CENPP: variants seen among roughly 807,000 people sequenced by gnomAD.
The protein encoded by CENPP is centromere protein P.
CENPP carries 24 observed loss-of-function variants against 35.6 expected under a neutral mutation model. The ratio of observed to expected loss-of-function variants is 0.67; its 90% confidence interval spans 0.49 to 0.95. The LOEUF (loss-of-function observed/expected upper bound fraction) is 0.95, where lower values mean the gene tolerates loss of function less well. CENPP is among the 40% of genes least tolerant of loss of function. CENPP has a pLI of 0.00. For synonymous variants in CENPP, 120 were observed against 125.5 expected (o/e 0.96, Z 0.29); for missense variants, 332 against 345.3 (o/e 0.96, Z 0.31).
intron 5 of CENPP, chr9:92,496,072 A>G: frequency 8.9e-7 from 1 of 1,126,024 alleles, no homozygotes; most frequent in Non-Finnish European, 1.1e-6. Context: ...ATCCTATTCT[A>G]GTGAGATGGC....
rs1251007087 is a variant in CENPP at position 92,421,283 on chromosome 9, GC to G, written c.564+41430del. Among the ~76,000 whole-genome samples the G allele has an allele frequency of 3.3e-5, 5 of 152,214 alleles. 1 individual carries two copies. The South Asian group carries it at 8.3e-4, about 25-fold the overall frequency. ...ATGAACTTCTGGGCTCAACCAGTCT[GC>G]CCCCCTCAGCCTCCCAAAGTGCTGG... is the stretch of plus-strand genomic sequence containing the variant. On this transcript the variant is annotated intron_variant, in intron 5 of 7. Transcript: ENST00000375587.
chr9:92,415,507 G>C, intron 5 of CENPP: 3 of 1,289,810 alleles, frequency 2.3e-6, no homozygotes, highest in Non-Finnish European at 2.1e-6. Flanking sequence ...AATTAATCTT[G>C]TATTATAGTA....
intron 5 of CENPP, among the ~76,000 whole-genome samples, chr9:92,601,559 G>A (rs1391390218): frequency 6.6e-6 from 1 of 152,164 alleles, no homozygotes; most frequent in Non-Finnish European, 1.5e-5. Flanking sequence ...TCATTTAAAC[G>A]CCACGCTGTG....
In CENPP at chr9:92,332,277, C is replaced by T. The variant is rs150818648; in HGVS notation, c.215C>T (p.Thr72Met). The T allele has an allele frequency of 3.0e-3, 4,842 of 1,612,096 alleles. 14 individuals are homozygous for T. Among genetic ancestry groups the T allele is most frequent in the Non-Finnish European group, 3.7e-3 (4,376 of 1,178,932 alleles). The change falls in exon 2 of 8, where the codon ACG (threonine) becomes ATG (methionine). Residue 72 changes from threonine to methionine, a missense_variant. Physicochemically the swap from Thr to Met is moderately conservative, Grantham distance 81. Coordinates refer to ENST00000375587, the MANE Select transcript of CENPP (RefSeq NM_001012267.3). ...HLESELSFLS[T>M]LTGINIRNHS... The stretch of plus-strand genomic sequence containing the variant: ...GAATCAGAACTTTCATTTCTAAGTA[C>T]GCTTACTGGCATCAATATAAGAAAT...
intron 4 of CENPP, among the ~76,000 whole-genome samples, chr9:92,355,117 AG>A (rs1158342114): frequency 1.3e-5 from 2 of 152,178 alleles, no homozygotes; most frequent in Admixed American, 6.5e-5. Flanking sequence ...AACAGAAAAC[AG>A]GGTTTGAGAG....
chr9:92,417,620 T>G, intron 5 of CENPP: 1 of 948,100 alleles, frequency 1.1e-6, no homozygotes, highest in Non-Finnish European at 1.6e-6. Flanking sequence ...GTGAGTAAAC[T>G]CAGAATACGC....
Position 92,359,870 on chromosome 9 carries a change from G to C in CENPP, c.467+14083G>C, listed in dbSNP as rs189624531. On this transcript the variant is annotated intron_variant, in intron 4 of 7. Coordinates refer to ENST00000375587, the MANE Select transcript of CENPP (RefSeq NM_001012267.3). ...TTATACTCACATGACTGCCTGCCAG[G>C]GGGGTGGGGGTGAAGAAATGGGTAG... Among the ~76,000 whole-genome samples, 332 of 152,048 alleles carry C rather than the reference G, an allele frequency of 2.2e-3. 2 individuals are homozygous for C. Among genetic ancestry groups the C allele is most frequent in the African/African-American group, 7.5e-3 (309 of 41,470 alleles).
At chr9:92,456,925 T>C (rs566084628) in intron 5 of CENPP, 14 of 1,015,126 alleles carry the variant, frequency 1.4e-5, no homozygotes, top group Admixed American at 5.5e-5. Flanking sequence ...CAAATTTTGC[T>C]AAGTCAAGCA....
In CENPP at chr9:92,522,427, A is replaced by G. The variant is rs1359108653; in HGVS notation, c.565-88887A>G. 61 of 943,610 alleles carry G rather than the reference A, an allele frequency of 6.5e-5. No homozygotes were observed. The East Asian group carries it at 1.7e-3, about 26-fold the overall frequency. The allele number at this position is 943,610 out of a possible 1,614,324, so 58.5% of individuals were successfully genotyped here. On this transcript the variant is annotated intron_variant, in intron 5 of 7. Coordinates refer to ENST00000375587, the MANE Select transcript of CENPP (RefSeq NM_001012267.3). ...TTTAAAATGTATGTTTGTAGATTAA[A>G]CCAAAAAGTAATATAATAACCTGGA...
chr9:92,567,377 T>TATAGATATATAG (rs1401492838), intron 5 of CENPP, among the ~76,000 whole-genome samples: 1 of 87,542 alleles, frequency 1.1e-5, no homozygotes, highest in Admixed American at 1.1e-4. Flanking sequence ...AAGATAGATA[T>TATAGATATATAG]ATATATATAT....
intron 5 of CENPP, among the ~76,000 whole-genome samples, chr9:92,442,340 G>C (rs1300943965): frequency 6.8e-6 from 1 of 146,130 alleles, no homozygotes; most frequent in East Asian, 2.0e-4. Context: ...GGAGGTTGCA[G>C]TGAGCCGAGG....
rs753880941 is a variant in CENPP at position 92,601,642 on chromosome 9, G to GT, written c.565-9671dup. ...TCAGTGTCAGATAAATGACTGCGTT[G>GT]TGTCAGCTCCATGTCACGCTCCATG... On this transcript the variant is annotated intron_variant, in intron 5 of 7. Coordinates refer to ENST00000375587, the MANE Select transcript of CENPP (RefSeq NM_001012267.3). 1.2e-4 allele frequency among the ~76,000 whole-genome samples: 18 copies of GT among 152,354 alleles called. No individual in the cohort carries two copies. The East Asian group carries it at 2.5e-3, about 21-fold the overall frequency.
Position 92,611,823 on chromosome 9 carries a change from C to T in CENPP, c.644+430C>T, listed in dbSNP as rs117240949. On this transcript the variant is annotated intron_variant, in intron 6 of 7. Coordinates refer to ENST00000375587, the MANE Select transcript of CENPP (RefSeq NM_001012267.3). Reference sequence around the variant, plus strand: ...GCCCCGGCGCCACCCTGGCCCGTGCCGTGTTCTCCATCCTCTTCCCTTGGC... The same window carrying T: ...GCCCCGGCGCCACCCTGGCCCGTGCTGTGTTCTCCATCCTCTTCCCTTGGC... 3.9e-5 allele frequency among the ~76,000 whole-genome samples: 6 copies of T among 152,368 alleles called. No homozygotes were observed. The East Asian group carries it at 1.2e-3, about 29-fold the overall frequency.
intron 5 of CENPP, chr9:92,385,251 G>T (rs1431101391): frequency 1.8e-5 from 3 of 163,560 alleles, no homozygotes; most frequent in African/African-American, 7.2e-5. Context: ...TCCAGTAAAG[G>T]CCAGGAAAGG....
Position 92,477,777 on chromosome 9 carries a change from T to C in CENPP, c.564+97918T>C, listed in dbSNP as rs569301849. On this transcript the variant is annotated intron_variant, in intron 5 of 7. Coordinates refer to ENST00000375587, the MANE Select transcript of CENPP (RefSeq NM_001012267.3). ...CTCCTAATCAACTACTGTCAGGTAA[T>C]ACGAGATCGTAAAGTTAACACTTGA... is the stretch of plus-strand genomic sequence containing the variant. Among the ~76,000 whole-genome samples the C allele has an allele frequency of 2.6e-4, 39 of 152,264 alleles. No homozygotes were observed. In the South Asian group the frequency reaches 7.9e-3, roughly 31 times the overall value.
At position 92,509,848 on chromosome 9, in the gene CENPP, T is replaced by A. The variant is rs758296037; in HGVS notation, c.565-101466T>A. Reference sequence around the variant, plus strand: ...AGTAAATAAAATTTCTACAGGACTATATAGGAAAGATTATAAGGAAGCATA... The same window carrying A: ...AGTAAATAAAATTTCTACAGGACTAAATAGGAAAGATTATAAGGAAGCATA... On this transcript the variant is annotated intron_variant, in intron 5 of 7. Coordinates refer to ENST00000375587, the MANE Select transcript of CENPP (RefSeq NM_001012267.3). 3.9e-6 allele frequency: 6 copies of A among 1,554,224 alleles called. No individual in the cohort carries two copies. In the Middle Eastern group the frequency reaches 6.9e-4, roughly 179 times the overall value.
At chr9:92,515,046 A>G (rs372289924) in intron 5 of CENPP, 21 of 1,613,928 alleles carry the variant, frequency 1.3e-5, no homozygotes, top group Non-Finnish European at 1.8e-5. Context: ...CATCCTCCTC[A>G]GATTGAAGTG....
At chr9:92,579,017 A>G (rs1368626046) in intron 5 of CENPP, among the ~76,000 whole-genome samples, 1 of 151,688 alleles carries the variant, frequency 6.6e-6, no homozygotes, top group Non-Finnish European at 1.5e-5. Flanking sequence ...CTTTCTACAT[A>G]CGGCTAGCCA....
At chr9:92,490,501 G>A (rs1372043639) in intron 5 of CENPP, among the ~76,000 whole-genome samples, 2 of 152,284 alleles carry the variant, frequency 1.3e-5, no homozygotes, top group Non-Finnish European at 2.9e-5. Context: ...GTCTGTAAAT[G>A]TTTCTGCCAT....
Sources: gnomAD v4.1 joint callset for allele counts (sites outside exome capture counted in the v4.1 genomes callset) on GRCh38, gnomAD v4.1.1 for gene constraint, MANE v1.5 for transcripts, NCBI Gene and HGNC (gene_info 2026-07-23, HGNC 2026-07-21) for gene names.